Variants in WDR25 observed in about 807,000 individuals in gnomAD.
WDR25 encodes WD repeat domain 25.
A neutral mutation model predicts 47.7 loss-of-function variants in WDR25; 35 were observed. That is an observed-to-expected ratio of 0.73 (90% CI 0.56 to 0.97). The LOEUF is 0.97. Among genes scored for constraint, WDR25 ranks in the 50% least tolerant of loss-of-function variants. WDR25 has a pLI of 0.00. For synonymous variants in WDR25, 248 were observed against 278.9 expected (o/e 0.89, Z 1.10); for missense variants, 634 against 704.7 (o/e 0.90, Z 1.14).
intron 3 of WDR25, chr14:100,476,724 C>T (rs1441500096): frequency 6.6e-6 from 1 of 152,234 alleles, no homozygotes; most frequent in African/African-American, 2.4e-5. Context: ...TTACACCTAC[C>T]ACCCAGGGTG....
intron 4 of WDR25, among the ~76,000 whole-genome samples, chr14:100,522,509 C>CA: frequency 6.6e-6 from 1 of 152,326 alleles, no homozygotes; most frequent in East Asian, 1.9e-4. Context: ...TGCATCTTGG[C>CA]ACTGGAAGAA....
chr14:100,460,483 G>A (rs1006075496), intron 2 of WDR25, among the ~76,000 whole-genome samples: 2 of 151,976 alleles, frequency 1.3e-5, no homozygotes, highest in Non-Finnish European at 2.9e-5. Flanking sequence ...TGACCAAGGA[G>A]GATTTGTCCC....
At chr14:100,420,496 G>C (rs992858881) in intron 2 of WDR25, among the ~76,000 whole-genome samples, 1 of 152,020 alleles carries the variant, frequency 6.6e-6, no homozygotes. Context: ...GTTTTTTATT[G>C]TTGTTTTATA....
chr14:100,491,192 C>T (rs1292922997), intron 4 of WDR25, among the ~76,000 whole-genome samples: 1 of 152,236 alleles, frequency 6.6e-6, no homozygotes, highest in Non-Finnish European at 1.5e-5. Flanking sequence ...GGGAGGTGGA[C>T]TGGGTGCTGC....
chr14:100,508,129 C>G (rs796974022), intron 4 of WDR25, among the ~76,000 whole-genome samples: 5 of 152,154 alleles, frequency 3.3e-5, no homozygotes, highest in African/African-American at 1.2e-4. Flanking sequence ...ATATGTGAAT[C>G]AACAAATGTG....
In WDR25 at chr14:100,502,652, T is replaced by C. The variant is rs1900967476; in HGVS notation, c.1101+18528T>C. On this transcript the variant is annotated intron_variant, in intron 4 of 6. Coordinates refer to ENST00000402312, the MANE Select transcript of WDR25 (RefSeq NM_001161476.3). This position sits in a 1 kb window ranked among gnomAD's most constrained non-coding sequence, Gnocchi z 4.5. ...CAAGTGGCCACGGCGTGGGGGAACA[T>C]GAGGTCCCTCCCTGCATGGCGAGGG... 6.6e-6 allele frequency among the ~76,000 whole-genome samples: 1 copy of C among 152,150 alleles called. No homozygotes were observed. The highest frequency in any genetic ancestry group is 2.1e-4 in the South Asian group (1 of 4,828).
chr14:100,417,499 G>T (rs1319649438), intron 2 of WDR25, among the ~76,000 whole-genome samples: 1 of 152,174 alleles, frequency 6.6e-6, no homozygotes, highest in Non-Finnish European at 1.5e-5. Context: ...ACCCTGAGCA[G>T]CCAGGCTGGT....
intron 4 of WDR25, among the ~76,000 whole-genome samples, chr14:100,514,326 CCTGT>C (rs1034894888): frequency 2.0e-5 from 3 of 152,092 alleles, no homozygotes; most frequent in South Asian, 2.1e-4. Context: ...TTATTTTAAA[CCTGT>C]CTAACAATCT....
At chr14:100,443,935 C>T (rs920959613) in intron 2 of WDR25, among the ~76,000 whole-genome samples, 10 of 152,160 alleles carry the variant, frequency 6.6e-5, no homozygotes, top group African/African-American at 2.4e-4. Flanking sequence ...GGAGGAGATA[C>T]CACCTTCTCT....
At chr14:100,380,628 G>A (rs1361876505) in intron 1 of WDR25, among the ~76,000 whole-genome samples, 3 of 151,822 alleles carry the variant, frequency 2.0e-5, no homozygotes, top group Non-Finnish European at 4.4e-5. Context: ...CGAGTAGCTG[G>A]GACTACAGGT....
intron 2 of WDR25, among the ~76,000 whole-genome samples, chr14:100,421,540 C>G (rs1898025572): frequency 6.6e-6 from 1 of 151,998 alleles, no homozygotes; most frequent in Admixed American, 6.6e-5. Flanking sequence ...CAGAAAAGAA[C>G]AAAAAAATAA....
In WDR25 at chr14:100,459,656, A is replaced by G. The variant is rs948217020; in HGVS notation, c.823-8365A>G. Among the ~76,000 whole-genome samples the G allele has an allele frequency of 8.6e-5, 13 of 151,784 alleles. No individual in the cohort carries two copies. The South Asian group carries it at 1.3e-3, about 15-fold the overall frequency. On this transcript the variant is annotated intron_variant, in intron 2 of 6. Transcript: ENST00000402312. Reference sequence around the variant, plus strand: ...TCCGAATCTCCCCTTTCTATAAGGGAGAAGCTATGTGAATACAAAGACAGC... The same window carrying G: ...TCCGAATCTCCCCTTTCTATAAGGGGGAAGCTATGTGAATACAAAGACAGC...
rs999851661 is a variant in WDR25, at chr14:100,516,492, A to G, written c.1102-9378A>G. ...TCTCCAGGTAAAATCGTGGACTTGT[A>G]TGGTTTCTCCTTTCAATTCCATCAG... On this transcript the variant is annotated intron_variant, in intron 4 of 6. Coordinates refer to ENST00000402312, the MANE Select transcript of WDR25 (RefSeq NM_001161476.3). Among the ~76,000 whole-genome samples, 34 of 152,156 alleles carry G rather than the reference A, an allele frequency of 2.2e-4. 1 individual carries two copies. Among genetic ancestry groups the G allele is most frequent in the African/African-American group, 7.0e-4 (29 of 41,430 alleles).
At chr14:100,382,646 C>T (rs1299508239) in intron 2 of WDR25, among the ~76,000 whole-genome samples, 2 of 152,212 alleles carry the variant, frequency 1.3e-5, no homozygotes, top group African/African-American at 2.4e-5. Flanking sequence ...TCCAGCCCTT[C>T]GAGCTGTGCA....
rs74595539 is a variant in WDR25 at position 100,454,296 on chromosome 14, C to T, written c.823-13725C>T. Among the ~76,000 whole-genome samples, 7 of 152,242 alleles carry T rather than the reference C, an allele frequency of 4.6e-5. No homozygotes were observed. The East Asian group carries it at 1.3e-3, about 29-fold the overall frequency. ...GATCCCCTCACTCTCCTAAACATTC[C>T]TACCAGAAGGCTGGGTGTGGAGAAG... On this transcript the variant is annotated intron_variant, in intron 2 of 6. Transcript: ENST00000402312.
At position 100,404,188 on chromosome 14, in the gene WDR25, A is replaced by C. The variant is rs149029453; in HGVS notation, c.822+22442A>C. Reference sequence around the variant, plus strand: ...TCCCCCTGAAACCTCTGAGGTGCCGATGGCATGCCCCAACCTGCGTCCAAG... The same window carrying C: ...TCCCCCTGAAACCTCTGAGGTGCCGCTGGCATGCCCCAACCTGCGTCCAAG... On this transcript the variant is annotated intron_variant, in intron 2 of 6. Coordinates refer to ENST00000402312, the MANE Select transcript of WDR25 (RefSeq NM_001161476.3). The surrounding 1 kb of genome is among the most constrained non-coding windows in gnomAD (Gnocchi z 4.6). Among the ~76,000 whole-genome samples, 1 of 152,314 alleles carries C rather than the reference A, an allele frequency of 6.6e-6. No homozygotes were observed. Among genetic ancestry groups the C allele is most frequent in the Non-Finnish European group, 1.5e-5 (1 of 68,024 alleles).
intron 2 of WDR25, among the ~76,000 whole-genome samples, chr14:100,389,067 T>C (rs1283067748): frequency 6.6e-6 from 1 of 152,252 alleles, no homozygotes; most frequent in Non-Finnish European, 1.5e-5. Flanking sequence ...GACAGTAGAC[T>C]CTTAAAGGTG....
intron 2 of WDR25, among the ~76,000 whole-genome samples, chr14:100,401,361 T>C (rs1319862206): frequency 6.6e-6 from 1 of 152,210 alleles, no homozygotes; most frequent in Non-Finnish European, 1.5e-5. Context: ...CTCTGGTTGA[T>C]TCGGGCATCT....
intron 4 of WDR25, among the ~76,000 whole-genome samples, chr14:100,484,428 A>T (rs1566932496): frequency 6.6e-6 from 1 of 151,942 alleles, no homozygotes; most frequent in Admixed American, 6.6e-5. Context: ...CAAGGGAATA[A>T]TGTGCGGGTA....
Sources: gnomAD v4.1 joint callset for allele counts (sites outside exome capture counted in the v4.1 genomes callset) on GRCh38, gnomAD v4.1.1 for gene constraint, Gnocchi (gnomAD v3.1) non-coding constraint, MANE v1.5 for transcripts, NCBI Gene and HGNC (gene_info 2026-07-23, HGNC 2026-07-21) for gene names.